The following TMEM144 variants were observed in gnomAD, a reference collection of about 807,000 sequenced individuals.
TMEM144 encodes the protein transmembrane protein 144.
In TMEM144, 39 loss-of-function variants were observed where a neutral mutation model predicts 43.6. That is an observed-to-expected ratio of 0.90 (90% CI 0.69 to 1.17). TMEM144 has a LOEUF of 1.17. Ranked by LOEUF, TMEM144 falls within the 50% of genes most tolerant of loss-of-function variation. TMEM144 has a pLI of 0.00. For missense variants in TMEM144, 417 were observed against 411.9 expected, an observed-to-expected ratio of 1.01 and a Z score of -0.11; for synonymous variants, 154 against 133.6, an observed-to-expected ratio of 1.15 and a Z score of -1.06.
intron 6 of TMEM144, among the ~76,000 whole-genome samples, chr4:158,226,283 A>G (rs542874468): frequency 4.6e-5 from 7 of 152,340 alleles, no homozygotes; most frequent in African/African-American, 1.7e-4. Context: ...AGACATATTT[A>G]TCCAATTTTT....
intron 8 of TMEM144, among the ~76,000 whole-genome samples, chr4:158,236,225 G>T (rs1579133223): frequency 6.6e-6 from 1 of 152,298 alleles, no homozygotes; most frequent in East Asian, 1.9e-4. Flanking sequence ...CAGGGGGAAA[G>T]AGCAGCACCT....
chr4:158,224,606 C>A (rs769651165), intron 6 of TMEM144, among the ~76,000 whole-genome samples: 1 of 152,120 alleles, frequency 6.6e-6, no homozygotes, highest in Non-Finnish European at 1.5e-5. Context: ...ACCGTAGCAA[C>A]CTTTCATCCT....
Position 158,253,485 on chromosome 4 carries a change from C to T in TMEM144, c.996C>T (p.Ile332=), listed in dbSNP as rs779703175. ...NYLLMILAFC[I]ILTGALCTAF... ...TATTAATGATACTTGCATTTTGCAT[C>T]ATCTTGACTGGAGCCTTATGCACTG... Residue 332 remains isoleucine, a synonymous_variant, in exon 13 of 13, where the codon ATC becomes ATT. Coordinates refer to ENST00000296529, the MANE Select transcript of TMEM144 (RefSeq NM_018342.5). The T allele has an allele frequency of 1.2e-6, 2 of 1,613,846 alleles. No homozygotes were observed. Among genetic ancestry groups the T allele is most frequent in the Non-Finnish European group, 1.7e-6 (2 of 1,179,876 alleles).
At chr4:158,242,877 A>G (rs551156708) in intron 11 of TMEM144, among the ~76,000 whole-genome samples, 8 of 152,330 alleles carry the variant, frequency 5.3e-5, no homozygotes, top group Admixed American at 1.3e-4. Flanking sequence ...TGTATCTCCT[A>G]TGAAGATGTC....
chr4:158,213,762 A>G (rs975543237), intron 3 of TMEM144: 2 of 152,098 alleles, frequency 1.3e-5, no homozygotes, highest in African/African-American at 2.4e-5. Context: ...TATTTCCCCA[A>G]TTCTTTGTCT....
Position 158,253,467 on chromosome 4 carries a change from G to C in TMEM144, c.978G>C (p.Met326Ile). 1 of 1,613,516 alleles carries C rather than the reference G, an allele frequency of 6.2e-7. No homozygotes were observed. Among genetic ancestry groups the C allele is most frequent in the South Asian group, 1.1e-5 (1 of 91,040 alleles). The stretch of plus-strand genomic sequence containing the variant: ...AGGGTCTACAAAACTACCTATTAAT[G>C]ATACTTGCATTTTGCATCATCTTGA... ...EIKGLQNYLL[M>I]ILAFCIILTG... The change falls in exon 13 of 13, where the codon ATG becomes ATC. Residue 326 changes from methionine (M) to isoleucine (I), a missense_variant. Physicochemically the swap from Met to Ile is conservative, Grantham distance 10. Transcript: ENST00000296529.
chr4:158,213,944 A>C (rs1308122220), intron 3 of TMEM144: 1 of 152,232 alleles, frequency 6.6e-6, no homozygotes, highest in Admixed American at 6.5e-5. Context: ...AAATATTACC[A>C]GCTCTGCTGT....
intron 12 of TMEM144, among the ~76,000 whole-genome samples, chr4:158,245,112 T>G (rs1174237158): frequency 6.6e-6 from 1 of 152,104 alleles, no homozygotes; most frequent in Non-Finnish European, 1.5e-5. Context: ...AACCAGCAAT[T>G]TTGTAGGAAA....
intron 12 of TMEM144, among the ~76,000 whole-genome samples, chr4:158,251,072 C>T (rs985578286): frequency 1.3e-5 from 2 of 152,108 alleles, no homozygotes; most frequent in African/African-American, 4.8e-5. Flanking sequence ...CCTTATGTGT[C>T]TTCTACAATG....
chr4:158,219,668 C>T (rs1240489975), intron 6 of TMEM144, among the ~76,000 whole-genome samples: 1 of 152,172 alleles, frequency 6.6e-6, no homozygotes, highest in African/African-American at 2.4e-5. Context: ...TGTAGAAAAT[C>T]ATAACACATA....
At chr4:158,229,492 G>A (rs575050295) in intron 6 of TMEM144, among the ~76,000 whole-genome samples, 1 of 152,214 alleles carries the variant, frequency 6.6e-6, no homozygotes, top group Admixed American at 6.5e-5. Context: ...TGGGGAACAG[G>A]ACCCATTTAA....
chr4:158,219,167 T>C (rs1167527106), intron 5 of TMEM144, 143 bp from the exon 6 acceptor site: 1 of 766,370 alleles, frequency 1.3e-6, no homozygotes, highest in South Asian at 2.1e-5. Flanking sequence ...ACAGTGAAGA[T>C]AATTAACTTT....
intron 6 of TMEM144, among the ~76,000 whole-genome samples, chr4:158,221,953 T>C (rs1485490703): frequency 6.6e-6 from 1 of 152,212 alleles, no homozygotes; most frequent in Admixed American, 6.5e-5. Context: ...CTTTTCTTAC[T>C]GGACCCTTCC....
At chr4:158,250,897 C>G (rs1736169120) in intron 12 of TMEM144, among the ~76,000 whole-genome samples, 1 of 152,074 alleles carries the variant, frequency 6.6e-6, no homozygotes, top group African/African-American at 2.4e-5. Context: ...AAGTTTTGCC[C>G]AAATTTGGGT....
At chr4:158,225,608 T>C (rs1368036416) in intron 6 of TMEM144, among the ~76,000 whole-genome samples, 1 of 152,162 alleles carries the variant, frequency 6.6e-6, no homozygotes, top group Non-Finnish European at 1.5e-5. Flanking sequence ...TTCTGGTTGA[T>C]GAAATGCCAG....
chr4:158,251,518 G>A lies in TMEM144; in HGVS notation c.955-1926G>A, dbSNP rs114507415. 5.1e-3 allele frequency among the ~76,000 whole-genome samples: 777 copies of A among 152,362 alleles called. 5 individuals are homozygous for A. Among genetic ancestry groups the A allele is most frequent in the African/African-American group, 0.017 (727 of 41,590 alleles). On this transcript the variant is annotated intron_variant, in intron 12 of 12. Transcript: ENST00000296529. The stretch of plus-strand genomic sequence containing the variant: ...GACTAGCAAAAGGAAACTTGAAATA[G>A]CTGCAGAGGCCATGGGCTGATAAGA...
intron 7 of TMEM144, chr4:158,233,819 A>C (rs1007805761): frequency 1.3e-5 from 2 of 152,248 alleles, no homozygotes; most frequent in African/African-American, 2.4e-5. Context: ...AATTGACACT[A>C]AAGTTGAATA....
intron 3 of TMEM144, among the ~76,000 whole-genome samples, chr4:158,214,616 C>T (rs1734125538): frequency 6.6e-6 from 1 of 152,086 alleles, no homozygotes; most frequent in East Asian, 1.9e-4. Context: ...GTAACCTTGA[C>T]CTAGATAGCT....
At chr4:158,243,347 G>C (rs1389348847) in intron 11 of TMEM144, among the ~76,000 whole-genome samples, 1 of 152,154 alleles carries the variant, frequency 6.6e-6, no homozygotes, top group Non-Finnish European at 1.5e-5. Context: ...ACAGAGAGGA[G>C]TGTATTTTTT....
Sources: gnomAD v4.1 joint callset for allele counts (sites outside exome capture counted in the v4.1 genomes callset) on GRCh38, gnomAD v4.1.1 for gene constraint, MANE v1.5 for transcripts, NCBI Gene and HGNC (gene_info 2026-07-23, HGNC 2026-07-21) for gene names.